Variants in STK32C observed in about 807,000 individuals in gnomAD.
STK32C encodes the protein serine/threonine kinase 32C.
STK32C carries 31 observed loss-of-function variants against 56.5 expected under a neutral mutation model. The ratio of observed to expected loss-of-function variants is 0.55; its 90% CI spans 0.41 to 0.74. The LOEUF (loss-of-function observed/expected upper bound fraction) is 0.74, where lower values mean the gene tolerates loss of function less well. Among genes scored for constraint, STK32C ranks in the 30% least tolerant of loss-of-function variants. STK32C has a pLI of 0.00. For synonymous variants in STK32C, 309 were observed against 289.4 expected (o/e 1.07, Z -0.69); for missense variants, 544 against 676.9 (o/e 0.80, Z 2.18).
chr10:132,227,286 G>A lies in STK32C; in HGVS notation c.471-318C>T, dbSNP rs142713015. On this transcript the variant is annotated intron_variant, in intron 3 of 11. Coordinates refer to ENST00000298630, the MANE Select transcript of STK32C (RefSeq NM_173575.4). ...CTTCAGGCTGCCCGGCCTCCTCTTC[G>A]GTAAAATGGGGATACAGACATTTGC... Among the ~76,000 whole-genome samples the A allele has an allele frequency of 6.7e-3, 1,014 of 152,354 alleles. 13 individuals carry two copies. The highest frequency in any genetic ancestry group is 0.023 in the African/African-American group (945 of 41,582).
intron 1 of STK32C, among the ~76,000 whole-genome samples, chr10:132,297,323 G>A (rs758279782): frequency 1.9e-4 from 29 of 152,244 alleles, no homozygotes; most frequent in Non-Finnish European, 2.8e-4. Context: ...CTCCGCCCCC[G>A]CTGCCAGCAG....
chr10:132,233,853 G>A (rs533247818), intron 2 of STK32C, among the ~76,000 whole-genome samples: 84 of 152,354 alleles, frequency 5.5e-4, no homozygotes, highest in African/African-American at 1.6e-3. Flanking sequence ...CAGTTGCTGC[G>A]ACTGCAGGAT....
intron 1 of STK32C, among the ~76,000 whole-genome samples, chr10:132,326,403 C>G (rs2138483916): frequency 6.6e-6 from 1 of 152,326 alleles, no homozygotes; most frequent in South Asian, 2.1e-4. Flanking sequence ...GTGATGTCGG[C>G]TCACTACAAC....
At chr10:132,219,448 C>A (rs1034236427) in intron 10 of STK32C, among the ~76,000 whole-genome samples, 4 of 152,188 alleles carry the variant, frequency 2.6e-5, no homozygotes, top group Non-Finnish European at 4.4e-5. Context: ...GCTCTGCACA[C>A]TGTCCATCCC....
upstream of STK32C, among the ~76,000 whole-genome samples, chr10:132,311,663 T>C (rs2066225096): frequency 6.6e-6 from 1 of 152,206 alleles, no homozygotes; most frequent in South Asian, 2.1e-4. This position sits in a 1 kb window ranked among gnomAD's most constrained non-coding sequence, Gnocchi z 4.4. Context: ...AGTTCACCGC[T>C]CAGCTCTGCT....
intron 1 of STK32C, among the ~76,000 whole-genome samples, chr10:132,276,273 C>T (rs1202248055): frequency 6.6e-6 from 1 of 152,202 alleles, no homozygotes; most frequent in Non-Finnish European, 1.5e-5. Context: ...TGATGAGATG[C>T]CACCACGCCA....
At chr10:132,288,887 G>C (rs1296668644) in intron 1 of STK32C, among the ~76,000 whole-genome samples, 11 of 152,120 alleles carry the variant, frequency 7.2e-5, no homozygotes, top group Non-Finnish European at 1.2e-4. Context: ...CCCTAAAACT[G>C]AGTTATATTT....
chr10:132,255,935 C>G lies in STK32C; in HGVS notation c.263-9980G>C, dbSNP rs2064105582. Among the ~76,000 whole-genome samples, 1 of 152,238 alleles carries G rather than the reference C, an allele frequency of 6.6e-6. No individual in the cohort carries two copies. Among genetic ancestry groups the G allele is most frequent in the Admixed American group, 6.5e-5 (1 of 15,294 alleles). ...CCCCATGACCAGCAGCCTGCAGCCT[C>G]TGCACACCCTGGAGCCCTGGTGTCC... On this transcript the variant is annotated intron_variant, in intron 1 of 11. Transcript: ENST00000298630. The surrounding 1 kb of genome is among the most constrained non-coding windows in gnomAD (Gnocchi z 4.6).
At chr10:132,223,779 C>G (rs1322450143) in intron 8 of STK32C, among the ~76,000 whole-genome samples, 1 of 152,222 alleles carries the variant, frequency 6.6e-6, no homozygotes, top group Non-Finnish European at 1.5e-5. Context: ...CCCTCCCTGT[C>G]CTGCCTGGGC....
chr10:132,325,240 G>A (rs148556605), intron 1 of STK32C, among the ~76,000 whole-genome samples: 2,203 of 152,158 alleles, frequency 0.014, 46 homozygotes, highest in African/African-American at 0.049. Flanking sequence ...AGTCTCACGA[G>A]ATCTGATGGT....
At chr10:132,330,672 A>T (rs1362243809) in intron 1 of STK32C, among the ~76,000 whole-genome samples, 14 of 126,946 alleles carry the variant, frequency 1.1e-4, no homozygotes, top group South Asian at 2.8e-4. Context: ...CACACCCAGC[A>T]TTTTTTTTTT....
intron 2 of STK32C, among the ~76,000 whole-genome samples, chr10:132,240,466 G>A (rs995892532): frequency 6.6e-6 from 1 of 152,210 alleles, no homozygotes; most frequent in Non-Finnish European, 1.5e-5. Context: ...CACGTACACA[G>A]GCCCTGCACG....
intron 1 of STK32C, among the ~76,000 whole-genome samples, chr10:132,288,140 A>G (rs1268230711): frequency 1.3e-5 from 2 of 152,178 alleles, no homozygotes; most frequent in East Asian, 3.8e-4. Context: ...GGACCATAAA[A>G]ACATCCAGAT....
intron 1 of STK32C, among the ~76,000 whole-genome samples, chr10:132,304,200 C>T (rs997857598): frequency 5.9e-5 from 9 of 152,286 alleles, no homozygotes; most frequent in African/African-American, 2.2e-4. Flanking sequence ...TGACAGGAAA[C>T]TAAGTAAGCA....
At chr10:132,324,768 G>C (rs1310338639) in intron 1 of STK32C, among the ~76,000 whole-genome samples, 4 of 152,234 alleles carry the variant, frequency 2.6e-5, no homozygotes, top group African/African-American at 7.2e-5. Context: ...GCCCAAGGTG[G>C]TTGGGTTGCA....
At chr10:132,293,241 G>T (rs1014416089) in intron 1 of STK32C, among the ~76,000 whole-genome samples, 19 of 152,174 alleles carry the variant, frequency 1.2e-4, no homozygotes, top group African/African-American at 4.3e-4. Context: ...TACTCTCACG[G>T]TCCCTCCACC....
At chr10:132,331,987 G>T, upstream of STK32C, 1 of 433,946 alleles carries the variant, frequency 2.3e-6, no homozygotes, top group Non-Finnish European at 3.9e-6. Flanking sequence ...CCGGGCAGGC[G>T]CACCACACCC....
At chr10:132,319,726 G>A (rs1177071294), downstream of STK32C, among the ~76,000 whole-genome samples, 3 of 152,222 alleles carry the variant, frequency 2.0e-5, no homozygotes, top group African/African-American at 7.2e-5. Flanking sequence ...TCATCCTAAA[G>A]TGGGAGTGTG....
intron 1 of STK32C, among the ~76,000 whole-genome samples, chr10:132,293,063 G>A (rs911732032): frequency 2.6e-5 from 4 of 152,274 alleles, no homozygotes; most frequent in Admixed American, 2.6e-4. Context: ...GCAGCGAACG[G>A]CAAACATCAG....
Sources: gnomAD v4.1 joint callset for allele counts (sites outside exome capture counted in the v4.1 genomes callset) on GRCh38, gnomAD v4.1.1 for gene constraint, Gnocchi (gnomAD v3.1) non-coding constraint, MANE v1.5 for transcripts, NCBI Gene and HGNC (gene_info 2026-07-23, HGNC 2026-07-21) for gene names.